The following MYO16 variants were observed in gnomAD, a reference collection of about 807,000 sequenced individuals.
MYO16 encodes the protein myosin XVI, also known as unconventional myosin-XVI.
Under a neutral mutation model 205.3 loss-of-function variants are expected in MYO16, and 94 were observed. The ratio of observed to expected loss-of-function variants is 0.46; its 90% confidence interval spans 0.39 to 0.54. The LOEUF (loss-of-function observed/expected upper bound fraction) is 0.54, where lower values mean the gene tolerates loss of function less well. Ranked by LOEUF, MYO16 falls within the 20% of genes least tolerant of loss-of-function variation. MYO16 has a pLI of 0.00. For synonymous variants in MYO16, 988 were observed against 954.0 expected (o/e 1.04, Z -0.66); for missense variants, 2,315 against 2,387.5 (o/e 0.97, Z 0.63).
chr13:108,936,787 A>G (rs1160710437), intron 16 of MYO16, among the ~76,000 whole-genome samples: 1 of 151,864 alleles, frequency 6.6e-6, no homozygotes, highest in Non-Finnish European at 1.5e-5. Flanking sequence ...ACAACTTGCC[A>G]CTCTGTGCCT....
intron 16 of MYO16, among the ~76,000 whole-genome samples, chr13:108,920,796 A>G (rs538232364): frequency 1.3e-5 from 2 of 152,362 alleles, no homozygotes; most frequent in Non-Finnish European, 1.5e-5. Context: ...TATTCCGTAT[A>G]AATAAGAGAT....
chr13:108,784,671 G>A (rs1364426899), intron 4 of MYO16, among the ~76,000 whole-genome samples: 1 of 152,070 alleles, frequency 6.6e-6, no homozygotes, highest in African/African-American at 2.4e-5. Flanking sequence ...GTTATAAATT[G>A]GTATATAAGA....
chr13:109,052,505 AT>A (rs1222722812), intron 25 of MYO16, 30 bp downstream of exon 25: 1 of 1,501,490 alleles, frequency 6.7e-7, no homozygotes, highest in Non-Finnish European at 9.1e-7. Flanking sequence ...TTGTTGGATT[AT>A]TTTTAATTTT....
At chr13:108,941,831 T>C (rs112009745) in intron 16 of MYO16, among the ~76,000 whole-genome samples, 57 of 152,320 alleles carry the variant, frequency 3.7e-4, no homozygotes, top group African/African-American at 1.2e-3. Flanking sequence ...GTGTTTGTTG[T>C]TGGTGTGAAA....
intron 7 of MYO16, 27 bp from the exon 8 acceptor site, chr13:108,820,310 C>G: frequency 1.3e-6 from 2 of 1,532,270 alleles, no homozygotes; most frequent in Non-Finnish European, 1.8e-6. Flanking sequence ...ATGGTGGTTC[C>G]CATTTCAATT....
the MYO16 span, among the ~76,000 whole-genome samples, chr13:108,524,377 CTCTT>C: frequency 6.6e-6 from 1 of 152,030 alleles, no homozygotes; most frequent in Non-Finnish European, 1.5e-5. Context: ...CTCTCCCTCT[CTCTT>C]CTGTTTTCGC....
At chr13:108,594,903 T>C (rs967457476), upstream of MYO16, among the ~76,000 whole-genome samples, 2 of 152,230 alleles carry the variant, frequency 1.3e-5, no homozygotes, top group Non-Finnish European at 2.9e-5. Context: ...GTTTCTCTGA[T>C]GATATGATTC....
Position 108,829,559 on chromosome 13 carries a change from G to A in MYO16, c.1097+6281G>A, listed in dbSNP as rs190469674. Among the ~76,000 whole-genome samples, 199 of 152,226 alleles carry A rather than the reference G, an allele frequency of 1.3e-3. 1 individual carries two copies. The highest frequency in any genetic ancestry group is 5.8e-3 in the Admixed American group (88 of 15,288). ...GAATACTCTGATGAGGTTGTGTGGG[G>A]GCTGAGTCGCCAGAGTTTCTGAGTC... On this transcript the variant is annotated intron_variant, in intron 9 of 34. Coordinates refer to ENST00000457511, the MANE Select transcript of MYO16 (RefSeq NM_001198950.3).
Position 108,964,617 on chromosome 13 carries a change from C to T in MYO16, c.2228-144C>T, listed in dbSNP as rs1204389538. The T allele has an allele frequency of 5.8e-6, 5 of 857,124 alleles. 1 individual carries two copies. The highest frequency in any genetic ancestry group is 5.5e-5 in the South Asian group (3 of 54,368). 53.1% of individuals were successfully genotyped at this position (857,124 alleles called of 1,614,324 possible). On this transcript the variant is annotated intron_variant, in intron 19 of 34. Coordinates refer to ENST00000457511, the MANE Select transcript of MYO16 (RefSeq NM_001198950.3). ...CATTTTGCATAATAACTGACGGAGA[C>T]CTCATTTATGAGAATCCGTATAATT...
chr13:109,027,225 G>T (rs1271942629), intron 23 of MYO16, among the ~76,000 whole-genome samples: 2 of 152,094 alleles, frequency 1.3e-5, no homozygotes, highest in African/African-American at 4.8e-5. Context: ...CCCAATCTGT[G>T]CCTCCATCAC....
chr13:108,908,304 C>G (rs1286465183), intron 15 of MYO16, among the ~76,000 whole-genome samples: 1 of 152,150 alleles, frequency 6.6e-6, no homozygotes, highest in Non-Finnish European at 1.5e-5. Flanking sequence ...CCAAAGTTGT[C>G]TCTTTATACA....
chr13:109,026,093 A>C (rs1886352376), intron 23 of MYO16, among the ~76,000 whole-genome samples: 1 of 152,344 alleles, frequency 6.6e-6, no homozygotes, highest in East Asian at 1.9e-4. Flanking sequence ...TCTTACACCT[A>C]AGATGATGCA....
chr13:108,914,604 C>T (rs536172194), intron 16 of MYO16, among the ~76,000 whole-genome samples: 1 of 152,236 alleles, frequency 6.6e-6, no homozygotes, highest in African/African-American at 2.4e-5. Context: ...CAATACTTAT[C>T]GTATCTTATG....
At chr13:108,979,344 A>G (rs534695493) in intron 20 of MYO16, among the ~76,000 whole-genome samples, 98 of 151,980 alleles carry the variant, frequency 6.4e-4, no homozygotes, top group Admixed American at 1.4e-3. Flanking sequence ...ACCTCTTAGT[A>G]TATTCCAGAA....
chr13:109,187,009 T>C (rs1879716797), intron 34 of MYO16, among the ~76,000 whole-genome samples: 1 of 152,240 alleles, frequency 6.6e-6, no homozygotes, highest in African/African-American at 2.4e-5. Flanking sequence ...AAGTTTTCCA[T>C]CTCTCCTGGT....
chr13:108,534,927 C>A, the MYO16 span, among the ~76,000 whole-genome samples: 1 of 148,862 alleles, frequency 6.7e-6, no homozygotes, highest in East Asian at 2.0e-4. Flanking sequence ...TCCTCTCTTC[C>A]TTCTTCCTCT....
chr13:108,634,115 A>G (rs1880111185), intron 1 of MYO16, among the ~76,000 whole-genome samples: 1 of 152,072 alleles, frequency 6.6e-6, no homozygotes. Flanking sequence ...ATTTAACATC[A>G]TGATCAAACA....
At chr13:108,718,982 G>T (rs1884055782) in intron 3 of MYO16, among the ~76,000 whole-genome samples, 1 of 152,084 alleles carries the variant, frequency 6.6e-6, no homozygotes. Flanking sequence ...AAACCCAATG[G>T]ATGAGTTTTC....
intron 10 of MYO16, among the ~76,000 whole-genome samples, chr13:108,847,371 G>T (rs16973315): frequency 0.029 from 4,470 of 152,252 alleles, 215 homozygotes; most frequent in African/African-American, 0.1. Context: ...CCAGTAATAT[G>T]CCGCATGGTA....
Sources: gnomAD v4.1 joint callset for allele counts (sites outside exome capture counted in the v4.1 genomes callset) on GRCh38, gnomAD v4.1.1 for gene constraint, MANE v1.5 for transcripts, NCBI Gene and HGNC (gene_info 2026-07-23, HGNC 2026-07-21) for gene names.